The following MARCHF5 variants were observed in gnomAD, a reference collection of about 807,000 sequenced individuals.
MARCHF5 encodes the protein membrane associated ring-CH-type finger 5, also known as E3 ubiquitin-protein ligase MARCHF5.
MARCHF5 carries 5 observed loss-of-function variants against 36.5 expected under a neutral mutation model. The ratio of observed to expected loss-of-function variants is 0.14; its 90% CI spans 0.07 to 0.29. MARCHF5 has a LOEUF of 0.29. MARCHF5 is among the 10% of genes least tolerant of loss of function. The pLI is 1.00. For synonymous variants in MARCHF5, 103 were observed against 109.9 expected, an observed-to-expected ratio of 0.94 and a Z score of 0.39; for missense variants, 179 against 336.3, an observed-to-expected ratio of 0.53 and a Z score of 3.66.
chr10:92,293,950 C>T (rs904379849), intron 1 of MARCHF5, among the ~76,000 whole-genome samples: 1 of 152,166 alleles, frequency 6.6e-6, no homozygotes, highest in African/African-American at 2.4e-5. Context: ...ACATGACTTT[C>T]AAAGACCGTT....
intron 2 of MARCHF5, among the ~76,000 whole-genome samples, chr10:92,320,095 C>T (rs1843273243): frequency 6.6e-6 from 1 of 151,558 alleles, no homozygotes; most frequent in Non-Finnish European, 1.5e-5. Flanking sequence ...ACTGTGTCAC[C>T]CAGGCTGGAG....
chr10:92,346,553 A>T (rs1005543788), intron 3 of MARCHF5, among the ~76,000 whole-genome samples: 1 of 142,628 alleles, frequency 7.0e-6, no homozygotes, highest in Non-Finnish European at 1.5e-5. Flanking sequence ...GGCTGGTGCA[A>T]TCTCGGCTCA....
chr10:92,291,218 T>A lies in MARCHF5; in HGVS notation c.-277T>A. 3 of 528,522 alleles carry A rather than the reference T, an allele frequency of 5.7e-6. No individual in the cohort carries two copies. Among genetic ancestry groups the A allele is most frequent in the Non-Finnish European group, 9.9e-6 (3 of 302,410 alleles). 32.7% of individuals were successfully genotyped at this position (528,522 alleles called of 1,614,324 possible). ...GCAGCAACTCGGCGCCCGCGGTCCA[T>A]GGACCGGAACCTCGGGCCGACGGAC... On this transcript the variant is annotated 5_prime_UTR_variant, in exon 1 of 6. It removes an upstream start codon present in the reference 5' UTR. Transcript: ENST00000358935.
rs978388696 is a variant in MARCHF5, at chr10:92,323,603, CT to C, written c.238+12275del. On this transcript the variant is annotated intron_variant, in intron 2 of 5. Transcript: ENST00000358935. ...CCCCGAGCTCCTGGCCACCATACAT[CT>C]TTTTTTTTCTCCATGGTTTTCCCTT... Among the ~76,000 whole-genome samples the C allele has an allele frequency of 1.6e-4, 24 of 151,678 alleles. 1 individual carries two copies. Among genetic ancestry groups the C allele is most frequent in the Admixed American group, 1.1e-3 (16 of 15,194 alleles).
chr10:92,339,120 AG>A (rs1430926543), intron 2 of MARCHF5, among the ~76,000 whole-genome samples: 2 of 151,724 alleles, frequency 1.3e-5, no homozygotes, highest in Non-Finnish European at 2.9e-5. Context: ...CTGTAATCCC[AG>A]CACTTTTGGA....
intron 1 of MARCHF5, among the ~76,000 whole-genome samples, chr10:92,292,064 C>T (rs1842881111): frequency 7.7e-6 from 1 of 129,214 alleles, no homozygotes; most frequent in Non-Finnish European, 1.6e-5. Flanking sequence ...ACTGTAAGGT[C>T]AGAGTATCCG....
chr10:92,292,288 G>A (rs907313312), intron 1 of MARCHF5, among the ~76,000 whole-genome samples: 2 of 152,042 alleles, frequency 1.3e-5, no homozygotes, highest in Admixed American at 6.6e-5. Flanking sequence ...ATTCTGGTCC[G>A]TGGGTCCTAC....
intron 2 of MARCHF5, among the ~76,000 whole-genome samples, chr10:92,319,381 C>T (rs1166547524): frequency 4.0e-5 from 6 of 151,116 alleles, no homozygotes; most frequent in South Asian, 4.2e-4. Flanking sequence ...CTGCAAGCTC[C>T]GCCTCCCGGG....
intron 2 of MARCHF5, among the ~76,000 whole-genome samples, chr10:92,311,877 T>G (rs906165089): frequency 3.7e-4 from 57 of 152,284 alleles, no homozygotes; most frequent in African/African-American, 1.3e-3. Flanking sequence ...CAAAGATCTT[T>G]GAGAACAGGC....
intron 1 of MARCHF5, among the ~76,000 whole-genome samples, chr10:92,295,066 A>G (rs558412027): frequency 2.6e-5 from 4 of 152,292 alleles, no homozygotes; most frequent in Admixed American, 2.0e-4. Context: ...TAAATCAATT[A>G]TTAAACATTT....
At chr10:92,307,380 T>C (rs1315463670) in intron 1 of MARCHF5, among the ~76,000 whole-genome samples, 1 of 152,164 alleles carries the variant, frequency 6.6e-6, no homozygotes, top group African/African-American at 2.4e-5. Flanking sequence ...CTTTCCATAC[T>C]AGGTAGATTA....
chr10:92,306,311 T>G (rs1443898922), intron 1 of MARCHF5, among the ~76,000 whole-genome samples: 2 of 152,200 alleles, frequency 1.3e-5, no homozygotes, highest in Non-Finnish European at 2.9e-5. Flanking sequence ...ACCAGCTTTA[T>G]GGACCCAGCC....
chr10:92,317,047 C>T (rs1437812595), intron 2 of MARCHF5, among the ~76,000 whole-genome samples: 1 of 152,124 alleles, frequency 6.6e-6, no homozygotes, highest in East Asian at 1.9e-4. Context: ...AGGAGAGCAT[C>T]TCAAAGGTAG....
chr10:92,349,506 T>A lies in MARCHF5; in HGVS notation c.527T>A (p.Leu176Gln). 6.2e-7 allele frequency: 1 copy of A among 1,613,566 alleles called. No individual in the cohort carries two copies. The highest frequency in any genetic ancestry group is 2.2e-5 in the East Asian group (1 of 44,894). ...LRLWRKYSNKLQILNSIFPGI... is the reference protein window; with the variant it reads ...LRLWRKYSNKQQILNSIFPGI... ...CTGTGGCGCAAATACTCGAATAAAC[T>A]ACAAATTTTAAATAGTATATTTCCA... The change falls in exon 4 of 6, where the codon CTA becomes CAA. Residue 176 changes from leucine to glutamine, a missense_variant. This residue lies in a region of MARCHF5 where 95 missense variants were observed against 139.5 expected (regional missense o/e 0.68). Transcript: ENST00000358935.
intron 2 of MARCHF5, among the ~76,000 whole-genome samples, chr10:92,329,999 C>G (rs764485856): frequency 6.6e-6 from 1 of 152,170 alleles, no homozygotes; most frequent in Non-Finnish European, 1.5e-5. Context: ...CCTACCACCA[C>G]GCCCAACTAA....
chr10:92,323,577 TC>T (rs968509462), intron 2 of MARCHF5, among the ~76,000 whole-genome samples: 5 of 152,142 alleles, frequency 3.3e-5, no homozygotes, highest in Non-Finnish European at 5.9e-5. Flanking sequence ...TGTTCATCCC[TC>T]CCCGAGCTCC....
At chr10:92,346,553 A>G (rs1005543788) in intron 3 of MARCHF5, among the ~76,000 whole-genome samples, 15 of 142,626 alleles carry the variant, frequency 1.1e-4, no homozygotes, top group Admixed American at 3.7e-4. Flanking sequence ...GGCTGGTGCA[A>G]TCTCGGCTCA....
chr10:92,343,349 T>C (rs532591632), intron 3 of MARCHF5, among the ~76,000 whole-genome samples: 252 of 152,334 alleles, frequency 1.7e-3, no homozygotes, highest in Middle Eastern at 3.4e-3. Context: ...CCCACATTCA[T>C]GACATTTTTA....
intron 3 of MARCHF5, among the ~76,000 whole-genome samples, chr10:92,341,738 TC>T (rs1843580456): frequency 6.6e-6 from 1 of 151,888 alleles, no homozygotes; most frequent in African/African-American, 2.4e-5. Flanking sequence ...CCGTCATCGT[TC>T]CTTTGTTTCT....
Sources: allele counts gnomAD v4.1 joint callset (sites outside exome capture counted in the v4.1 genomes callset), GRCh38; gene constraint gnomAD v4.1.1; regional missense constraint gnomAD v4.1.1; transcripts MANE v1.5; gene names NCBI Gene and HGNC (gene_info 2026-07-23, HGNC 2026-07-21).